Variants in SAMMSON observed in about 807,000 individuals in gnomAD.
SAMMSON encodes long intergenic non-protein coding RNA 1212.
chr3:70,013,342 G>A lies in SAMMSON; in HGVS notation n.265-178G>A, dbSNP rs147181938. On this transcript the variant is annotated intron_variant and non_coding_transcript_variant, in intron 2 of 9. Coordinates refer to ENST00000642114, the Ensembl canonical transcript of SAMMSON. The stretch of plus-strand genomic sequence containing the variant: ...GCCTCCTCAAAGGTTGTTATGAGGA[G>A]TAAAATCATACATATAAAGCATTTG... Among the ~76,000 whole-genome samples the A allele has an allele frequency of 8.5e-5, 13 of 152,246 alleles. No individual in the cohort carries two copies. The East Asian group carries it at 2.5e-3, about 29-fold the overall frequency.
chr3:70,121,937 C>T (rs1422165086), intron 4 of SAMMSON, among the ~76,000 whole-genome samples: 1 of 152,144 alleles, frequency 6.6e-6, no homozygotes. Flanking sequence ...TGGCACAGTC[C>T]AGGCACTTGG....
At chr3:70,386,865 A>G (rs1347149880) in intron 9 of SAMMSON, among the ~76,000 whole-genome samples, 2 of 152,118 alleles carry the variant, frequency 1.3e-5, no homozygotes. Context: ...AAATCCAGGC[A>G]TGAGGCAGTT....
chr3:70,363,503 C>T (rs1359279088), intron 9 of SAMMSON, among the ~76,000 whole-genome samples: 6 of 151,966 alleles, frequency 3.9e-5, no homozygotes, highest in African/African-American at 1.2e-4. Flanking sequence ...GGTACAACAT[C>T]TACAGTCAAG....
intron 4 of SAMMSON, among the ~76,000 whole-genome samples, chr3:70,139,456 C>A (rs1460462229): frequency 6.6e-6 from 1 of 152,172 alleles, no homozygotes; most frequent in Non-Finnish European, 1.5e-5. Context: ...TAGCCCTACC[C>A]CATGGCCTTG....
intron 7 of SAMMSON, among the ~76,000 whole-genome samples, chr3:70,352,086 T>A (rs1702798505): frequency 7.1e-6 from 1 of 140,466 alleles, no homozygotes. Flanking sequence ...GTCAAAGAAA[T>A]AATGAACCAA....
chr3:70,142,932 G>A (rs540461385), intron 4 of SAMMSON, among the ~76,000 whole-genome samples: 27 of 152,128 alleles, frequency 1.8e-4, no homozygotes, highest in African/African-American at 6.5e-4. Flanking sequence ...ATTTCACATG[G>A]AAGAAGCCCT....
intron 4 of SAMMSON, among the ~76,000 whole-genome samples, chr3:70,119,238 TATATTTTTA>T (rs1276096900): frequency 3.9e-5 from 6 of 152,068 alleles, no homozygotes; most frequent in Admixed American, 3.3e-4. Flanking sequence ...GGCTAATTTT[TATATTTTTA>T]GTAGAGACAG....
At chr3:70,059,960 G>T (rs771574462) in intron 3 of SAMMSON, among the ~76,000 whole-genome samples, 4 of 152,120 alleles carry the variant, frequency 2.6e-5, no homozygotes, top group Non-Finnish European at 5.9e-5. Flanking sequence ...TGGTGATAAA[G>T]ATCTGATATA....
intron 3 of SAMMSON, among the ~76,000 whole-genome samples, chr3:70,052,523 C>T (rs2067150335): frequency 6.6e-6 from 1 of 152,066 alleles, no homozygotes; most frequent in African/African-American, 2.4e-5. Context: ...ATGTATGCTA[C>T]TAAAATAGTA....
chr3:70,161,882 A>AT (rs76487837), intron 4 of SAMMSON, among the ~76,000 whole-genome samples: 57,510 of 151,242 alleles, frequency 0.38, 11,468 homozygotes, highest in East Asian at 0.72. Context: ...TGAGTAATTC[A>AT]TTTTTTTAAG....
chr3:70,306,498 A>C (rs1702402366), intron 7 of SAMMSON, among the ~76,000 whole-genome samples: 1 of 151,928 alleles, frequency 6.6e-6, no homozygotes, highest in Non-Finnish European at 1.5e-5. Context: ...ATAACTACAG[A>C]ACTCTCATCT....
chr3:70,166,346 T>C (rs2067637098), intron 4 of SAMMSON, among the ~76,000 whole-genome samples: 2 of 152,030 alleles, frequency 1.3e-5, no homozygotes, highest in South Asian at 4.1e-4. Context: ...TGGCTTGCCT[T>C]CTCTAGGTTG....
chr3:70,180,637 C>T (rs79011422), intron 4 of SAMMSON, among the ~76,000 whole-genome samples: 1 of 152,196 alleles, frequency 6.6e-6, no homozygotes, highest in East Asian at 1.9e-4. Flanking sequence ...GTTCTTTGAG[C>T]CTTCAGATAT....
intron 4 of SAMMSON, among the ~76,000 whole-genome samples, chr3:70,088,060 T>C (rs543558902): frequency 3.2e-4 from 48 of 152,294 alleles, no homozygotes; most frequent in Non-Finnish European, 6.8e-4. Flanking sequence ...ATTTGCCTTC[T>C]TTCCGTTCTT....
intron 4 of SAMMSON, among the ~76,000 whole-genome samples, chr3:70,173,148 A>C (rs1700976536): frequency 4.6e-5 from 7 of 151,936 alleles, no homozygotes; most frequent in Admixed American, 4.6e-4. Context: ...AAGCAGTTTA[A>C]ATTTATACTG....
chr3:70,070,826 A>G (rs1330210200), intron 3 of SAMMSON, among the ~76,000 whole-genome samples: 1 of 152,078 alleles, frequency 6.6e-6, no homozygotes, highest in Admixed American at 6.6e-5. Context: ...GAAACTGTCT[A>G]TTGCCATTCA....
chr3:70,221,108 C>T (rs1272215885), intron 4 of SAMMSON, among the ~76,000 whole-genome samples: 1 of 151,996 alleles, frequency 6.6e-6, no homozygotes, highest in Non-Finnish European at 1.5e-5. Flanking sequence ...AATTTTCAGA[C>T]GTGAAGTTCT....
intron 1 of SAMMSON, among the ~76,000 whole-genome samples, chr3:70,004,100 A>T (rs2066916607): frequency 6.6e-6 from 1 of 152,054 alleles, no homozygotes; most frequent in Non-Finnish European, 1.5e-5. Flanking sequence ...TACTATTATG[A>T]TTTTGGTAAC....
intron 4 of SAMMSON, among the ~76,000 whole-genome samples, chr3:70,100,533 G>GATAAAAAA (rs2067340280): frequency 1.3e-5 from 2 of 149,348 alleles, no homozygotes; most frequent in Non-Finnish European, 2.9e-5. Flanking sequence ...GGGGGGGGGG[G>GATAAAAAA]AAGCACCAAA....
Sources: allele counts gnomAD v4.1 joint callset (sites outside exome capture counted in the v4.1 genomes callset), GRCh38; gene constraint gnomAD v4.1.1; transcripts MANE v1.5; gene names NCBI Gene and HGNC (gene_info 2026-07-23, HGNC 2026-07-21).